Variants in PDE11A observed in about 807,000 individuals in gnomAD.
The protein encoded by PDE11A is dual 3',5'-cyclic-AMP and -GMP phosphodiesterase 11A.
Under a neutral mutation model 100.5 loss-of-function variants are expected in PDE11A, and 100 were observed. The ratio of observed to expected loss-of-function variants is 1.00; its 90% CI spans 0.85 to 1.18. The LOEUF (loss-of-function observed/expected upper bound fraction) is 1.18, where lower values mean the gene tolerates loss of function less well. PDE11A is among the 50% of genes most tolerant of loss of function. The pLI, the probability that PDE11A is intolerant of heterozygous loss-of-function variation, is 0.00. For missense variants in PDE11A, 1,141 were observed against 1,152.6 expected (o/e 0.99, Z 0.15); for synonymous variants, 381 against 420.8 (o/e 0.91, Z 1.16).
rs373561148 is a variant in PDE11A, at chr2:177,703,489, CTGAT to C, written c.2154-2282_2154-2279del. ...CATTTGATTCTCCATTTTTACTAAG[CTGAT>C]TGTTATCAATGAAAGAAGATTTCAA... On this transcript the variant is annotated intron_variant, in intron 13 of 19. Transcript: ENST00000286063. 2.6e-3 allele frequency among the ~76,000 whole-genome samples: 403 copies of C among 152,260 alleles called. 2 individuals are homozygous for C. The highest frequency in any genetic ancestry group is 0.01 in the Middle Eastern group (3 of 294).
intron 2 of PDE11A, among the ~76,000 whole-genome samples, chr2:178,101,712 G>C (rs976150314): frequency 2.6e-5 from 4 of 151,998 alleles, no homozygotes; most frequent in African/African-American, 7.3e-5. Context: ...AACATACTCC[G>C]GTCACTCTAG....
At chr2:178,075,159 T>C (rs183198220), upstream of PDE11A, among the ~76,000 whole-genome samples, 6 of 152,122 alleles carry the variant, frequency 3.9e-5, no homozygotes, top group Non-Finnish European at 7.4e-5. Context: ...TTACCACCCC[T>C]AGACATGAGG....
At chr2:177,780,231 G>C (rs2082434726) in intron 9 of PDE11A, among the ~76,000 whole-genome samples, 1 of 152,120 alleles carries the variant, frequency 6.6e-6, no homozygotes, top group African/African-American at 2.4e-5. Context: ...TGTACAAGCA[G>C]AGTAGATTTA....
At chr2:178,099,447 A>G (rs1333223282) in intron 2 of PDE11A, among the ~76,000 whole-genome samples, 2 of 86,008 alleles carry the variant, frequency 2.3e-5, no homozygotes, top group African/African-American at 5.0e-5. Context: ...ATCTCAAGAG[A>G]AAAAAAAAAA....
intron 12 of PDE11A, among the ~76,000 whole-genome samples, chr2:177,712,342 CTTT>C (rs35906687): frequency 1.4e-5 from 2 of 139,826 alleles, no homozygotes; most frequent in Non-Finnish European, 1.5e-5. Context: ...CACAACCCTT[CTTT>C]TTTTTTTTTT....
At chr2:177,922,817 C>T (rs2085072552) in intron 2 of PDE11A, 4 of 984,772 alleles carry the variant, frequency 4.1e-6, no homozygotes, top group Non-Finnish European at 4.8e-6. Flanking sequence ...TTCCAGCACT[C>T]TTCTCCCTCT....
chr2:177,772,786 A>ATTAAGACTTTT (rs1464188735), intron 9 of PDE11A, among the ~76,000 whole-genome samples: 1 of 151,790 alleles, frequency 6.6e-6, no homozygotes, highest in African/African-American at 2.4e-5. Flanking sequence ...ATTATTACAG[A>ATTAAGACTTTT]TTAAGACTTT....
chr2:177,730,723 T>C (rs2081674191), intron 10 of PDE11A, among the ~76,000 whole-genome samples: 1 of 152,154 alleles, frequency 6.6e-6, no homozygotes, highest in Non-Finnish European at 1.5e-5. Context: ...CTTACCTGCC[T>C]GAGGATGTGA....
intron 15 of PDE11A, among the ~76,000 whole-genome samples, chr2:177,681,314 A>G (rs546110874): frequency 2.6e-5 from 4 of 152,238 alleles, no homozygotes; most frequent in Non-Finnish European, 5.9e-5. Context: ...ATGATCCAAG[A>G]TAAGATAAAC....
intron 5 of PDE11A, among the ~76,000 whole-genome samples, chr2:177,856,837 T>C (rs2083842777): frequency 6.6e-6 from 1 of 151,880 alleles, no homozygotes; most frequent in Admixed American, 6.6e-5. Flanking sequence ...ATAAGCATAA[T>C]GAGGATTCTC....
chr2:177,835,325 AG>A (rs554944369), intron 6 of PDE11A, among the ~76,000 whole-genome samples: 4 of 152,306 alleles, frequency 2.6e-5, no homozygotes, highest in African/African-American at 7.2e-5. Context: ...ATCCTGAGGC[AG>A]GGGGGCTCCT....
chr2:177,697,477 G>A (rs779646467), intron 14 of PDE11A, 45 bp from the exon 15 acceptor site: 16 of 914,024 alleles, frequency 1.8e-5, no homozygotes, highest in Non-Finnish European at 2.8e-5. Flanking sequence ...TAAATCTGTG[G>A]TTGTTGATTA....
intron 2 of PDE11A, among the ~76,000 whole-genome samples, chr2:177,917,191 G>A (rs1175424694): frequency 1.3e-5 from 2 of 149,962 alleles, no homozygotes; most frequent in African/African-American, 4.9e-5. Flanking sequence ...CACCCTATAT[G>A]TGCCAAAAAA....
chr2:178,100,249 T>A (rs1379504335), intron 2 of PDE11A, among the ~76,000 whole-genome samples: 1 of 152,192 alleles, frequency 6.6e-6, no homozygotes, highest in Non-Finnish European at 1.5e-5. Context: ...GTTATATATA[T>A]TTTGCTACAA....
At chr2:177,912,230 T>C (rs1488920835) in intron 2 of PDE11A, among the ~76,000 whole-genome samples, 1 of 152,094 alleles carries the variant, frequency 6.6e-6, no homozygotes, top group Non-Finnish European at 1.5e-5. Context: ...CATGTTCCCT[T>C]CTTAGGACAG....
Position 177,701,148 on chromosome 2 carries a change from G to A in PDE11A, c.2217C>T (p.Asn739=). The stretch of plus-strand genomic sequence containing the variant: ...CACTTTGAAGGATCATCACGGCGTG[G>A]TTGAAATGGTGATGCTCCAAGGTAG... ...TSATLEHHHF[N]HAVMILQSEG... Residue 739 remains asparagine, a synonymous_variant, in exon 14 of 20, where the codon AAC becomes AAT. Coordinates refer to ENST00000286063, the MANE Select transcript of PDE11A (RefSeq NM_016953.4). 1.2e-6 allele frequency: 2 copies of A among 1,605,042 alleles called. No homozygotes were observed. The highest frequency in any genetic ancestry group is 1.7e-6 in the Non-Finnish European group (2 of 1,171,752).
chr2:177,847,323 T>C (rs535552591), intron 5 of PDE11A, among the ~76,000 whole-genome samples: 1 of 152,194 alleles, frequency 6.6e-6, no homozygotes, highest in Non-Finnish European at 1.5e-5. Flanking sequence ...GAAGTTTAAA[T>C]TAATATTAAC....
intron 1 of PDE11A, among the ~76,000 whole-genome samples, chr2:178,020,712 C>T (rs2086396742): frequency 6.6e-6 from 1 of 152,100 alleles, no homozygotes; most frequent in East Asian, 1.9e-4. Flanking sequence ...TCAGGAAAAT[C>T]GATTGAACCC....
chr2:177,843,652 T>G (rs2083527842), intron 5 of PDE11A, among the ~76,000 whole-genome samples: 1 of 152,154 alleles, frequency 6.6e-6, no homozygotes. Context: ...GTGAACAGTG[T>G]AGAAGGAATA....
Sources: gnomAD v4.1 joint callset for allele counts (sites outside exome capture counted in the v4.1 genomes callset) on GRCh38, gnomAD v4.1.1 for gene constraint, MANE v1.5 for transcripts, NCBI Gene and HGNC (gene_info 2026-07-23, HGNC 2026-07-21) for gene names.